The following TTC17 variants were observed in gnomAD, a reference collection of about 807,000 sequenced individuals.
TTC17 encodes tetratricopeptide repeat protein 17.
Under a neutral mutation model 143.8 loss-of-function variants are expected in TTC17, and 58 were observed. The ratio of observed to expected loss-of-function variants is 0.40; its 90% CI spans 0.33 to 0.50. The LOEUF (loss-of-function observed/expected upper bound fraction) is 0.50. Among genes scored for constraint, TTC17 ranks in the 20% least tolerant of loss-of-function variants. The probability of loss-of-function intolerance (pLI) is 0.49; values close to 1 mark genes in which losing one functional copy is unlikely to be tolerated. For synonymous variants in TTC17, 501 were observed against 497.8 expected (o/e 1.01, Z -0.09); for missense variants, 1,273 against 1,392.5 (o/e 0.91, Z 1.37).
intron 21 of TTC17, among the ~76,000 whole-genome samples, chr11:43,487,309 C>A (rs941180852): frequency 6.6e-6 from 1 of 152,084 alleles, no homozygotes; most frequent in Non-Finnish European, 1.5e-5. Flanking sequence ...CCACACCAGG[C>A]TAATTTTTGT....
At chr11:43,376,031 T>C (rs1856753062) in intron 1 of TTC17, among the ~76,000 whole-genome samples, 1 of 152,208 alleles carries the variant, frequency 6.6e-6, no homozygotes. Flanking sequence ...ACTCATGTTA[T>C]ATATAATTGG....
At chr11:43,446,043 G>T in intron 18 of TTC17, 1 of 1,525,846 alleles carries the variant, frequency 6.6e-7, no homozygotes, top group Non-Finnish European at 8.8e-7. Context: ...GGAGAGATGT[G>T]GGCTTGAAGC....
intron 1 of TTC17, among the ~76,000 whole-genome samples, chr11:43,362,561 G>A (rs1288279914): frequency 6.6e-6 from 1 of 152,182 alleles, no homozygotes; most frequent in East Asian, 1.9e-4. Flanking sequence ...AGCTGGGGCT[G>A]CTGCAGGCAG....
intron 21 of TTC17, among the ~76,000 whole-genome samples, chr11:43,485,442 G>A (rs920995760): frequency 5.9e-5 from 9 of 152,176 alleles, no homozygotes; most frequent in Non-Finnish European, 1.2e-4. Context: ...TATGGAGTAA[G>A]GAAAGTTTTC....
chr11:43,475,092 C>G (rs1159193722), intron 21 of TTC17, among the ~76,000 whole-genome samples: 1 of 152,164 alleles, frequency 6.6e-6, no homozygotes, highest in Non-Finnish European at 1.5e-5. Flanking sequence ...GTAAGTGAAC[C>G]TGCACTGTTC....
At chr11:43,467,159 G>C (rs749818806) in intron 21 of TTC17, among the ~76,000 whole-genome samples, 17 of 152,152 alleles carry the variant, frequency 1.1e-4, no homozygotes, top group Non-Finnish European at 2.1e-4. Flanking sequence ...TGATTCAGCA[G>C]TTCCACTCCT....
chr11:43,359,021 C>T lies in TTC17; in HGVS notation c.67C>T (p.Leu23Phe), dbSNP rs755741075. ...GCCTTGCTCCGGCCCAGGCTGGCTC[C>T]TCAGCCTTTCCGCCTTGCTGAGTGT... is the stretch of plus-strand genomic sequence containing the variant. ...LPPCSGPGWL[L>F]SLSALLSVAA... is the part of the protein sequence containing the mutation. Residue 23 changes from leucine to phenylalanine, a missense_variant, in exon 1 of 24, where the codon CTC becomes TTC. Leu to Phe is a conservative substitution (Grantham distance 22). This residue lies in a region of TTC17 where 70 missense variants were observed against 48.5 expected (regional missense o/e 1.44). Transcript: ENST00000039989. 10 of 1,592,522 alleles carry T rather than the reference C, an allele frequency of 6.3e-6. No homozygotes were observed. In the East Asian group the frequency reaches 7.1e-5, roughly 11 times the overall value.
intron 16 of TTC17, among the ~76,000 whole-genome samples, chr11:43,437,967 A>T (rs1947329085): frequency 6.6e-6 from 1 of 152,202 alleles, no homozygotes; most frequent in Non-Finnish European, 1.5e-5. Context: ...GAAGAGAATG[A>T]TTTCCCTACC....
chr11:43,373,819 A>T (rs1020259613), intron 1 of TTC17, among the ~76,000 whole-genome samples: 6 of 152,252 alleles, frequency 3.9e-5, no homozygotes, highest in African/African-American at 1.4e-4. Context: ...TTTGAAAATT[A>T]AAAGGAGTTT....
rs1336053698 is a variant in TTC17 at position 43,492,047 on chromosome 11, A to G, written c.3178A>G (p.Ile1060Val). 1.9e-6 allele frequency: 3 copies of G among 1,614,102 alleles called. No homozygotes were observed. Among genetic ancestry groups the G allele is most frequent in the Non-Finnish European group, 1.7e-6 (2 of 1,179,976 alleles). Residue 1060 changes from isoleucine to valine, a missense_variant, in exon 23 of 24, where the codon ATC becomes GTC. Coordinates refer to ENST00000039989, the MANE Select transcript of TTC17 (RefSeq NM_018259.6). ...KDVPLISLANILHNAKLWNDA... is the reference protein window; with the variant it reads ...KDVPLISLANVLHNAKLWNDA... Reference sequence around the variant, plus strand: ...TGTGCCCCTGATTAGCCTGGCCAACATCTTGCACAATGCCAAGCTCTGGAA... The same window carrying G: ...TGTGCCCCTGATTAGCCTGGCCAACGTCTTGCACAATGCCAAGCTCTGGAA...
rs941561634 is a variant in TTC17 at position 43,417,968 on chromosome 11, T to C, written c.2251+3192T>C. Reference sequence around the variant, plus strand: ...TTTAACATTAGCAAGTATTTTGTTATTTTTCATATATAATCATGGAATTTT... The same window carrying C: ...TTTAACATTAGCAAGTATTTTGTTACTTTTCATATATAATCATGGAATTTT... On this transcript the variant is annotated intron_variant, in intron 16 of 23. Transcript: ENST00000039989. Among the ~76,000 whole-genome samples, 9 of 152,256 alleles carry C rather than the reference T, an allele frequency of 5.9e-5. No individual in the cohort carries two copies. In the East Asian group the frequency reaches 1.5e-3, roughly 26 times the overall value.
chr11:43,481,824 T>C (rs1164567610), intron 21 of TTC17, among the ~76,000 whole-genome samples: 3 of 152,054 alleles, frequency 2.0e-5, no homozygotes, highest in Non-Finnish European at 2.9e-5. Flanking sequence ...TGTTGGGGAA[T>C]AGGGGGACAG....
intron 21 of TTC17, among the ~76,000 whole-genome samples, chr11:43,469,653 A>C (rs548728798): frequency 6.6e-6 from 1 of 152,216 alleles, no homozygotes; most frequent in Non-Finnish European, 1.5e-5. Context: ...GGGAAATAAC[A>C]TATAGGGATA....
chr11:43,460,318 C>A (rs1947841711), intron 21 of TTC17, among the ~76,000 whole-genome samples: 1 of 152,054 alleles, frequency 6.6e-6, no homozygotes, highest in Non-Finnish European at 1.5e-5. Flanking sequence ...TTCCTGGAAA[C>A]CTTAGCCAGA....
intron 5 of TTC17, chr11:43,395,561 A>T (rs533297913): frequency 6.6e-6 from 1 of 152,334 alleles, no homozygotes; most frequent in South Asian, 2.1e-4. Context: ...AGTTGTGAAG[A>T]ATGTACTGTC....
chr11:43,481,058 GGTA>G (rs34455039), intron 21 of TTC17, among the ~76,000 whole-genome samples: 148,823 of 152,066 alleles, frequency 0.98, 72,875 homozygotes, highest in East Asian at 1. Context: ...ATAAAAAGGA[GGTA>G]GTAGGCATAG....
At chr11:43,415,592 T>A (rs1441311311) in intron 16 of TTC17, among the ~76,000 whole-genome samples, 1 of 152,186 alleles carries the variant, frequency 6.6e-6, no homozygotes, top group African/African-American at 2.4e-5. Context: ...GTTCAGCTCC[T>A]TCACTTTTGA....
chr11:43,379,230 C>A lies in TTC17; in HGVS notation c.160-3C>A. 1 of 1,610,972 alleles carries A rather than the reference C, an allele frequency of 6.2e-7. No individual in the cohort carries two copies. On this transcript the variant is annotated splice_region_variant and splice_polypyrimidine_tract_variant and intron_variant, in intron 1 of 23. Transcript: ENST00000039989. Reference sequence around the variant, plus strand: ...GCTTTATTTATTTATTGCTTGCTTGCAGGTGGATTCACCAATGAACTTGAA... The same window carrying A: ...GCTTTATTTATTTATTGCTTGCTTGAAGGTGGATTCACCAATGAACTTGAA...
intron 21 of TTC17, among the ~76,000 whole-genome samples, chr11:43,462,567 A>G (rs73530650): frequency 0.089 from 13,582 of 152,230 alleles, 903 homozygotes; most frequent in Admixed American, 0.23. Flanking sequence ...CTTTGACCCA[A>G]TGATATTGAT....
Sources: gnomAD v4.1 joint callset for allele counts (sites outside exome capture counted in the v4.1 genomes callset) on GRCh38, gnomAD v4.1.1 for gene constraint, gnomAD v4.1.1 regional missense constraint, MANE v1.5 for transcripts, NCBI Gene and HGNC (gene_info 2026-07-23, HGNC 2026-07-21) for gene names.